The following WNK4 variants were observed in gnomAD, a reference collection of about 807,000 sequenced individuals.
WNK4 encodes serine/threonine-protein kinase WNK4.
WNK4 carries 94 observed loss-of-function variants against 116.2 expected under a neutral mutation model. That is an observed-to-expected ratio of 0.81 (90% confidence interval 0.68 to 0.96). The LOEUF is 0.96. Among genes scored for constraint, WNK4 ranks in the 40% least tolerant of loss-of-function variants. WNK4 has a pLI of 0.00. For synonymous variants in WNK4, 655 were observed against 672.7 expected (o/e 0.97, Z 0.41); for missense variants, 1,542 against 1,650.6 (o/e 0.93, Z 1.14).
Position 42,795,788 on chromosome 17 carries a change from C to G in WNK4, c.3186C>G (p.Gly1062=). The G allele has an allele frequency of 1.9e-6, 3 of 1,613,830 alleles. No homozygotes were observed. Among genetic ancestry groups the G allele is most frequent in the South Asian group, 1.1e-5 (1 of 91,072 alleles). The change falls in exon 16 of 19, where the codon GGC becomes GGG. Residue 1062 remains glycine (G), a synonymous_variant. Coordinates refer to ENST00000246914, the MANE Select transcript of WNK4 (RefSeq NM_032387.5). ...CAGATACAGAGGACAGTGCTGGAGG[C>G]GGGCCAGAGACCAGGGAAGCTCTGG... ...ESSDTEDSAG[G]GPETREALAE... is the part of the protein sequence containing the mutation.
In WNK4 at chr17:42,796,120, C is replaced by A; in HGVS notation, c.3432-3C>A. ...CCCTTTCATGCCCTCCGTGCATCCT[C>A]AGGCACTTGTCAGAGGTGGAAACAC... On this transcript the variant is annotated splice_region_variant and splice_polypyrimidine_tract_variant and intron_variant, in intron 16 of 18. Coordinates refer to ENST00000246914, the MANE Select transcript of WNK4 (RefSeq NM_032387.5). 6.2e-7 allele frequency: 1 copy of A among 1,614,108 alleles called. No homozygotes were observed. The highest frequency in any genetic ancestry group is 8.5e-7 in the Non-Finnish European group (1 of 1,180,014).
chr17:42,783,231 C>T (rs1168095679), intron 2 of WNK4, among the ~76,000 whole-genome samples: 2 of 152,190 alleles, frequency 1.3e-5, no homozygotes, highest in African/African-American at 4.8e-5. Context: ...ATGCCACCAC[C>T]TCAATGCCAT....
chr17:42,794,632 C>T lies in WNK4; in HGVS notation c.2314C>T (p.Pro772Ser), dbSNP rs1220262984. 6.2e-7 allele frequency: 1 copy of T among 1,613,996 alleles called. No homozygotes were observed. The highest frequency in any genetic ancestry group is 2.2e-5 in the East Asian group (1 of 44,874). ...GCCTCAGGAGGAGCCAGCACCATTA[C>T]CTGCCCTGCCCGTCCCCCTCCCAGA... ...LSPQEEPAPL[P>S]ALPVPLPDPS... Residue 772 changes from proline to serine, a missense_variant, in exon 13 of 19, where the codon CCT becomes TCT. Physicochemically the swap from Pro to Ser is moderately conservative, Grantham distance 74 (BLOSUM62 -1). Coordinates refer to ENST00000246914, the MANE Select transcript of WNK4 (RefSeq NM_032387.5).
chr17:42,796,307 G>C lies in WNK4; in HGVS notation c.3616G>C (p.Glu1206Gln). 2 of 1,612,320 alleles carry C rather than the reference G, an allele frequency of 1.2e-6. No individual in the cohort carries two copies. Among genetic ancestry groups the C allele is most frequent in the Non-Finnish European group, 1.7e-6 (2 of 1,179,328 alleles). ...TSRRNSLQRS[E>Q]PPGPGIMRRN... ...CCGCCGCAACAGCCTACAGCGCTCT[G>C]AGCCCCCAGGCCCTGGTGAGACTGC... Residue 1206 changes from glutamate to glutamine, a missense_variant, in exon 17 of 19, where the codon GAG becomes CAG. Glu to Gln is a conservative substitution (Grantham distance 29). Coordinates refer to ENST00000246914, the MANE Select transcript of WNK4 (RefSeq NM_032387.5).
At position 42,796,052 on chromosome 17, in the gene WNK4, G is replaced by C; in HGVS notation, c.3431+19G>C. On this transcript the variant is annotated intron_variant, in intron 16 of 18. Coordinates refer to ENST00000246914, the MANE Select transcript of WNK4 (RefSeq NM_032387.5). ...GGCAGAAGTGAGTCTCGGGAGGATG[G>C]AGGAGTGAGAGGAGAACCTGGGAGA... is the stretch of plus-strand genomic sequence containing the variant. The C allele has an allele frequency of 6.2e-7, 1 of 1,614,034 alleles. No homozygotes were observed. The highest frequency in any genetic ancestry group is 8.5e-7 in the Non-Finnish European group (1 of 1,180,042).
At chr17:42,790,618 G>A (rs1186424868) in intron 11 of WNK4, among the ~76,000 whole-genome samples, 6 of 152,168 alleles carry the variant, frequency 3.9e-5, no homozygotes, top group Non-Finnish European at 8.8e-5. Context: ...GGAGTGGGAA[G>A]CGGGAGGGTA....
rs2054665321 is a variant in WNK4, at chr17:42,795,944, CT to C, written c.3343del (p.Tyr1115ThrfsTer6). 6.2e-7 allele frequency: 1 copy of C among 1,613,124 alleles called. No homozygotes were observed. The highest frequency in any genetic ancestry group is 1.3e-5 in the African/African-American group (1 of 74,908). ...HPSPVWMNYS[Y>X]SSLCLSSEES... ...CCAGCCCAGTGTGGATGAACTACTC[CT>C]ACAGCAGCCTGTGTTTGAGCAGCGA... On this transcript the variant is annotated frameshift_variant, in exon 16 of 19. Transcript: ENST00000246914. LOFTEE classifies it high-confidence loss of function.
chr17:42,788,400 T>C lies in WNK4; in HGVS notation c.2033T>C (p.Val678Ala). Residue 678 changes from valine (V) to alanine (A), a missense_variant, in exon 10 of 19, where the codon GTC becomes GCC. This residue lies in a region of WNK4 where 808 missense variants were observed against 873.6 expected (regional missense o/e 0.92). Coordinates refer to ENST00000246914, the MANE Select transcript of WNK4 (RefSeq NM_032387.5). Reference protein sequence around the residue: ...LRRRPRSRLRVTSVSDQNDRV... With the variant: ...LRRRPRSRLRATSVSDQNDRV... ...CGCAGACCCCGATCCCGGCTGCGGGTCACTAGTGTAAGGATGGAGTACAGG... is the reference window on the plus strand; with the variant it reads ...CGCAGACCCCGATCCCGGCTGCGGGCCACTAGTGTAAGGATGGAGTACAGG... 1 of 1,612,190 alleles carries C rather than the reference T, an allele frequency of 6.2e-7. No individual in the cohort carries two copies. The highest frequency in any genetic ancestry group is 8.5e-7 in the Non-Finnish European group (1 of 1,179,766).
At position 42,784,502 on chromosome 17, in the gene WNK4, A is replaced by C. The variant is rs1391507237; in HGVS notation, c.1093A>C (p.Met365Leu). The change falls in exon 4 of 19, where the codon ATG becomes CTG. Residue 365 changes from methionine to leucine, a missense_variant. Met to Leu is a conservative substitution (Grantham distance 15, BLOSUM62 2). Coordinates refer to ENST00000246914, the MANE Select transcript of WNK4 (RefSeq NM_032387.5). This position sits in a 1 kb window ranked among gnomAD's most constrained non-coding sequence, Gnocchi z 4.4. ...GGACGTGTACGCGTTCGGCATGTGC[A>C]TGCTGGAGATGGCCACCTCTGAGTA... Reference protein sequence around the residue: ...AVDVYAFGMCMLEMATSEYPY... With the variant: ...AVDVYAFGMCLLEMATSEYPY... The C allele has an allele frequency of 6.2e-7, 1 of 1,614,012 alleles. No individual in the cohort carries two copies. Among genetic ancestry groups the C allele is most frequent in the Non-Finnish European group, 8.5e-7 (1 of 1,179,996 alleles).
Position 42,787,839 on chromosome 17 carries a change from C to A in WNK4, c.1803C>A (p.Ala601=), listed in dbSNP as rs374742463. The A allele has an allele frequency of 5.0e-6, 8 of 1,612,454 alleles. No homozygotes were observed. The highest frequency in any genetic ancestry group is 5.9e-6 in the Non-Finnish European group (7 of 1,180,018). The change falls in exon 8 of 19, where the codon GCC becomes GCA. Residue 601 remains alanine, a synonymous_variant. Coordinates refer to ENST00000246914, the MANE Select transcript of WNK4 (RefSeq NM_032387.5). ...SSGFLDASDP[A]LQPPGGVPSS... is the part of the protein sequence containing the mutation. ...GCTTCCTGGATGCCTCAGACCCTGC[C>A]CTTCAGCCCCCTGGGGGGGTGCCAT...
Position 42,796,703 on chromosome 17 carries a change from C to G in WNK4, c.*15C>G, listed in dbSNP as rs756162229. On this transcript the variant is annotated 3_prime_UTR_variant, in exon 19 of 19. Transcript: ENST00000246914. ...CCCTCCAGTGAATTCAGAACAGAAG[C>G]CATGTATCTCCCCCACACCAGGGCC... 6.2e-7 allele frequency: 1 copy of G among 1,614,200 alleles called. No individual in the cohort carries two copies. The highest frequency in any genetic ancestry group is 1.7e-5 in the Admixed American group (1 of 60,028).
intron 11 of WNK4, among the ~76,000 whole-genome samples, chr17:42,791,469 T>G (rs1392053247): frequency 6.6e-6 from 1 of 151,374 alleles, no homozygotes; most frequent in Non-Finnish European, 1.5e-5. Context: ...AGAAACCCCG[T>G]CTCTACTAAA....
chr17:42,794,554 C>T, intron 12 of WNK4, 60 bp from the exon 13 acceptor site: 2 of 1,592,030 alleles, frequency 1.3e-6, no homozygotes, highest in Non-Finnish European at 1.7e-6. Context: ...CCCGGTCTGA[C>T]ACCTTCCATC....
In WNK4 at chr17:42,784,313, T is replaced by C; in HGVS notation, c.1013-109T>C. On this transcript the variant is annotated intron_variant, in intron 3 of 18. Coordinates refer to ENST00000246914, the MANE Select transcript of WNK4 (RefSeq NM_032387.5). This position sits in a 1 kb window ranked among gnomAD's most constrained non-coding sequence, Gnocchi z 4.4. ...CCTATGGCACCCACCTCAACCCCAC[T>C]GTGGGCCGGGGTCACTTGCACTCGC... The C allele has an allele frequency of 1.9e-6, 3 of 1,547,424 alleles. No individual in the cohort carries two copies. The highest frequency in any genetic ancestry group is 1.4e-5 in the African/African-American group (1 of 73,096).
At chr17:42,791,179 C>T (rs1036122556) in intron 11 of WNK4, among the ~76,000 whole-genome samples, 1 of 152,154 alleles carries the variant, frequency 6.6e-6, no homozygotes, top group African/African-American at 2.4e-5. Flanking sequence ...CTTACCCAGT[C>T]CACCCTCCAC....
At position 42,785,113 on chromosome 17, in the gene WNK4, G is replaced by A. The variant is rs747012532; in HGVS notation, c.1187G>A (p.Ser396Asn). The part of the protein sequence containing the change: ...RKVTSGRKPN[S>N]FHKVKIPEVK... ...CTTCCCCAGGGCAGAAAGCCGAACA[G>A]CTTCCACAAGGTGAAGATACCCGAG... The change falls in exon 5 of 19, where the codon AGC becomes AAC. Residue 396 changes from serine to asparagine, a missense_variant. This residue lies in a region of WNK4 where 808 missense variants were observed against 873.6 expected (regional missense o/e 0.92). Coordinates refer to ENST00000246914, the MANE Select transcript of WNK4 (RefSeq NM_032387.5). 2.5e-6 allele frequency: 4 copies of A among 1,613,682 alleles called. No individual in the cohort carries two copies. In the South Asian group the frequency reaches 3.3e-5, roughly 13 times the overall value.
intron 6 of WNK4, 63 bp from the exon 7 acceptor site, chr17:42,787,215 G>A (rs1200646127): frequency 1.7e-5 from 27 of 1,606,216 alleles, no homozygotes; most frequent in East Asian, 1.3e-4. Flanking sequence ...CCAAGAAGGC[G>A]TCCTGATGGA....
intron 6 of WNK4, among the ~76,000 whole-genome samples, chr17:42,786,852 C>A (rs2054554545): frequency 6.6e-6 from 1 of 152,200 alleles, no homozygotes; most frequent in African/African-American, 2.4e-5. Context: ...ACAAGGGATT[C>A]TTGGCCTTGG....
intron 9 of WNK4, 24 bp from the exon 10 acceptor site, chr17:42,788,266 T>C: frequency 6.2e-7 from 1 of 1,613,906 alleles, no homozygotes; most frequent in Non-Finnish European, 8.5e-7. Context: ...CTGACAGTCA[T>C]TCTCTCTCCT....
Sources: allele counts gnomAD v4.1 joint callset (sites outside exome capture counted in the v4.1 genomes callset), GRCh38; gene constraint gnomAD v4.1.1; regional missense constraint gnomAD v4.1.1; non-coding constraint Gnocchi (gnomAD v3.1); transcripts MANE v1.5; gene names NCBI Gene and HGNC (gene_info 2026-07-23, HGNC 2026-07-21).